The following NT5DC1 variants were observed in gnomAD, a reference collection of about 807,000 sequenced individuals.
NT5DC1 encodes 5'-nucleotidase domain containing 1.
A neutral mutation model predicts 59.4 loss-of-function variants in NT5DC1; 42 were observed. The ratio of observed to expected loss-of-function variants is 0.71; its 90% CI spans 0.55 to 0.92. The LOEUF (loss-of-function observed/expected upper bound fraction) is 0.92. Ranked by LOEUF, NT5DC1 falls within the 40% of genes least tolerant of loss-of-function variation. The pLI is 0.00. For missense variants in NT5DC1, 501 were observed against 537.1 expected, an observed-to-expected ratio of 0.93 and a Z score of 0.66; for synonymous variants, 172 against 188.1, an observed-to-expected ratio of 0.91 and a Z score of 0.70.
At chr6:116,223,459 A>G (rs1403963880) in intron 8 of NT5DC1, among the ~76,000 whole-genome samples, 1 of 152,218 alleles carries the variant, frequency 6.6e-6, no homozygotes, top group Non-Finnish European at 1.5e-5. Context: ...CGCCTGTGGA[A>G]CACATGAGGA....
chr6:116,233,184 T>C (rs1782051647), intron 8 of NT5DC1, among the ~76,000 whole-genome samples: 2 of 152,258 alleles, frequency 1.3e-5, no homozygotes, highest in South Asian at 4.1e-4. Context: ...TTTACCTAAC[T>C]GTTAAGATTG....
intron 6 of NT5DC1, chr6:116,137,520 T>G (rs1779641228): frequency 4.8e-6 from 1 of 210,084 alleles, no homozygotes; most frequent in Admixed American, 4.3e-5. Context: ...CTCCCTAATG[T>G]ATTTCACAGT....
intron 1 of NT5DC1, among the ~76,000 whole-genome samples, chr6:116,105,929 A>G (rs1778757909): frequency 2.0e-5 from 3 of 152,226 alleles, no homozygotes; most frequent in African/African-American, 7.2e-5. Flanking sequence ...GATGTATTAA[A>G]TAAGTTTAAA....
At chr6:116,182,941 T>C (rs1441318183) in intron 6 of NT5DC1, among the ~76,000 whole-genome samples, 1 of 152,140 alleles carries the variant, frequency 6.6e-6, no homozygotes, top group African/African-American at 2.4e-5. Flanking sequence ...GATCATGAAG[T>C]CTTTGCCTAA....
At chr6:116,219,081 A>G (rs1382637126) in intron 6 of NT5DC1, among the ~76,000 whole-genome samples, 1 of 152,028 alleles carries the variant, frequency 6.6e-6, no homozygotes, top group African/African-American at 2.4e-5. Context: ...ACTTGAGCCC[A>G]GGAGTTTAAG....
At chr6:116,147,214 G>T (rs1421068243) in intron 6 of NT5DC1, among the ~76,000 whole-genome samples, 1 of 151,898 alleles carries the variant, frequency 6.6e-6, no homozygotes, top group Non-Finnish European at 1.5e-5. Flanking sequence ...GCCACGGTGG[G>T]CAGATCACCT....
At chr6:116,177,873 G>T (rs966860666) in intron 6 of NT5DC1, among the ~76,000 whole-genome samples, 1 of 152,172 alleles carries the variant, frequency 6.6e-6, no homozygotes, top group African/African-American at 2.4e-5. Context: ...GGGCAGGGAG[G>T]TTGGAAAGGA....
chr6:116,183,761 A>G lies in NT5DC1; in HGVS notation c.530-37293A>G, dbSNP rs536002994. 1.2e-4 allele frequency among the ~76,000 whole-genome samples: 19 copies of G among 152,112 alleles called. 1 individual carries two copies. The South Asian group carries it at 3.7e-3, about 30-fold the overall frequency. On this transcript the variant is annotated intron_variant, in intron 6 of 11. Coordinates refer to ENST00000319550, the MANE Select transcript of NT5DC1 (RefSeq NM_152729.3). ...TTGTACATTAATTTTGTATCCTGAA[A>G]CTTTGCTGAATTCATTTACCATTTC...
At chr6:116,172,826 T>C (rs1374636016) in intron 6 of NT5DC1, among the ~76,000 whole-genome samples, 1 of 152,204 alleles carries the variant, frequency 6.6e-6, no homozygotes, top group Non-Finnish European at 1.5e-5. Context: ...ATTTGACCTT[T>C]AGGAAAATCT....
intron 6 of NT5DC1, chr6:116,120,891 T>A: frequency 6.2e-7 from 1 of 1,613,826 alleles, no homozygotes; most frequent in Non-Finnish European, 8.5e-7. Context: ...GGATCACCTT[T>A]TGGACCTGGT....
rs80355154 is a variant in NT5DC1, at chr6:116,200,100, C to G, written c.530-20954C>G. Among the ~76,000 whole-genome samples, 172 of 152,042 alleles carry G rather than the reference C, an allele frequency of 1.1e-3. 1 individual carries two copies. Among genetic ancestry groups the G allele is most frequent in the African/African-American group, 3.9e-3 (163 of 41,500 alleles). Reference sequence around the variant, plus strand: ...ACAGTGACCCTTAATAGTATATACCCTTAATATAACATGAGAGTGGCACTT... The same window carrying G: ...ACAGTGACCCTTAATAGTATATACCGTTAATATAACATGAGAGTGGCACTT... On this transcript the variant is annotated intron_variant, in intron 6 of 11. Transcript: ENST00000319550.
chr6:116,196,821 T>C (rs907987732), intron 6 of NT5DC1, among the ~76,000 whole-genome samples: 1 of 151,844 alleles, frequency 6.6e-6, no homozygotes, highest in Non-Finnish European at 1.5e-5. Flanking sequence ...TTTTTAACAC[T>C]CACATAGTGC....
intron 6 of NT5DC1, among the ~76,000 whole-genome samples, chr6:116,198,927 G>A (rs988724004): frequency 7.2e-5 from 11 of 151,992 alleles, no homozygotes; most frequent in Non-Finnish European, 1.0e-4. Context: ...GTGTAAATTA[G>A]ATGAAGAATC....
intron 6 of NT5DC1, among the ~76,000 whole-genome samples, chr6:116,206,116 AAT>A (rs1415902218): frequency 6.6e-6 from 1 of 151,948 alleles, no homozygotes; most frequent in Non-Finnish European, 1.5e-5. Context: ...TATGTTTCAA[AAT>A]ATGTTTTGAA....
chr6:116,124,759 C>T (rs575606287), intron 6 of NT5DC1, among the ~76,000 whole-genome samples: 65 of 152,214 alleles, frequency 4.3e-4, no homozygotes, highest in Admixed American at 1.2e-3. Flanking sequence ...TGCATTTTAC[C>T]GCTAAACTAT....
chr6:116,223,140 C>T lies in NT5DC1; in HGVS notation c.802+9C>T. 1 of 1,495,058 alleles carries T rather than the reference C, an allele frequency of 6.7e-7. No homozygotes were observed. Among genetic ancestry groups the T allele is most frequent in the South Asian group, 1.1e-5 (1 of 87,668 alleles). The allele number at this position is 1,495,058 out of a possible 1,614,324, so 92.6% of individuals were successfully genotyped here. A position where few individuals can be genotyped will look rare whatever the true frequency, so the allele number is the denominator to read the frequency against. On this transcript the variant is annotated intron_variant, in intron 8 of 11. Coordinates refer to ENST00000319550, the MANE Select transcript of NT5DC1 (RefSeq NM_152729.3). The stretch of plus-strand genomic sequence containing the variant: ...ACCTTTCCGGACACTCGGTAAGTTA[C>T]ATTTGGTTTCTTTCTTTTCCTGTAT...
intron 6 of NT5DC1, among the ~76,000 whole-genome samples, chr6:116,142,779 G>C (rs1057469713): frequency 6.6e-6 from 1 of 152,154 alleles, no homozygotes; most frequent in Non-Finnish European, 1.5e-5. Context: ...CTTGTGAACT[G>C]TCTGGCTCAG....
intron 3 of NT5DC1, 73 bp from the exon 4 acceptor site, chr6:116,110,777 A>G (rs1332337275): frequency 2.8e-6 from 3 of 1,067,382 alleles, no homozygotes; most frequent in Admixed American, 1.7e-5. Flanking sequence ...ACAGGGATCA[A>G]CAGTCACAAT....
intron 6 of NT5DC1, among the ~76,000 whole-genome samples, chr6:116,176,142 A>G (rs1436185330): frequency 6.6e-6 from 1 of 152,110 alleles, no homozygotes; most frequent in Non-Finnish European, 1.5e-5. Flanking sequence ...GGGTTTTGCT[A>G]CCTATGGTAG....
Sources: gnomAD v4.1 joint callset for allele counts (sites outside exome capture counted in the v4.1 genomes callset) on GRCh38, gnomAD v4.1.1 for gene constraint, MANE v1.5 for transcripts, NCBI Gene and HGNC (gene_info 2026-07-23, HGNC 2026-07-21) for gene names.